JADE1: variants seen among roughly 807,000 people sequenced by gnomAD.
JADE1 encodes protein Jade-1.
A neutral mutation model predicts 81.8 loss-of-function variants in JADE1; 14 were observed. The ratio of observed to expected loss-of-function variants is 0.17; its 90% confidence interval spans 0.11 to 0.27. The LOEUF (loss-of-function observed/expected upper bound fraction) is 0.27, where lower values mean the gene tolerates loss of function less well. Ranked by LOEUF, JADE1 falls within the 10% of genes least tolerant of loss-of-function variation. The probability of loss-of-function intolerance (pLI) is 1.00; values close to 1 mark genes in which losing one functional copy is unlikely to be tolerated. For missense variants in JADE1, 690 were observed against 1,047.9 expected, an observed-to-expected ratio of 0.66 and a Z score of 4.71; for synonymous variants, 353 against 391.9, an observed-to-expected ratio of 0.90 and a Z score of 1.17.
intron 5 of JADE1, among the ~76,000 whole-genome samples, chr4:128,850,410 T>C (rs1730252276): frequency 6.6e-6 from 1 of 151,594 alleles, no homozygotes; most frequent in African/African-American, 2.4e-5. Context: ...TAGCATAGGG[T>C]GTGGCTTGCA....
rs17013822 is a variant in JADE1, at chr4:128,855,270, T to A, written c.697-360T>A. 7.1e-4 allele frequency among the ~76,000 whole-genome samples: 108 copies of A among 152,364 alleles called. No individual in the cohort carries two copies. In the East Asian group the frequency reaches 0.019, roughly 27 times the overall value. ...TTTCGAGGACTTACTGAGGACTTAC[T>A]GCTCAATATTTAGAAACTTGGTATG... On this transcript the variant is annotated intron_variant, in intron 6 of 10. Transcript: ENST00000226319.
In JADE1 at chr4:128,852,364, TG is replaced by T. The variant is rs1730427559; in HGVS notation, c.696+100del. ...TGGAGTCCAGGATTCTTCCTCCGAA[TG>T]GGGTCTGTGTTTCTACGATTTAAAG... On this transcript the variant is annotated intron_variant, in intron 6 of 10. Coordinates refer to ENST00000226319, the MANE Select transcript of JADE1 (RefSeq NM_199320.4). 7.5e-6 allele frequency: 7 copies of T among 939,102 alleles called. No homozygotes were observed. The South Asian group carries it at 1.0e-4, about 14-fold the overall frequency. The allele number at this position is 939,102 out of a possible 1,614,324, so 58.2% of individuals were successfully genotyped here.
chr4:128,866,686 G>T (rs771453598), intron 9 of JADE1, among the ~76,000 whole-genome samples: 1 of 152,186 alleles, frequency 6.6e-6, no homozygotes, highest in South Asian at 2.1e-4. Context: ...AATTATAAAG[G>T]TGTCAGGGGA....
intron 9 of JADE1, 55 bp downstream of exon 9, chr4:128,862,280 C>T (rs1019244693): frequency 6.2e-6 from 10 of 1,607,122 alleles, no homozygotes; most frequent in East Asian, 4.5e-5. Flanking sequence ...TGCAAAGAGG[C>T]GAACGCTCGC....
chr4:128,858,496 G>T lies in JADE1; in HGVS notation c.981+1042G>T, dbSNP rs572043059. Among the ~76,000 whole-genome samples, 32 of 152,224 alleles carry T rather than the reference G, an allele frequency of 2.1e-4. No homozygotes were observed. The South Asian group carries it at 5.6e-3, about 27-fold the overall frequency. On this transcript the variant is annotated intron_variant, in intron 8 of 10. Coordinates refer to ENST00000226319, the MANE Select transcript of JADE1 (RefSeq NM_199320.4). ...GCAGCTCAGCACAGACATAAGCTCC[G>T]AGAGCATGGTCATCCTGTCAGCCAT...
intron 1 of JADE1, among the ~76,000 whole-genome samples, chr4:128,829,412 G>T (rs763684428): frequency 5.9e-5 from 9 of 152,130 alleles, no homozygotes; most frequent in Non-Finnish European, 1.3e-4. Context: ...GGCTTTTGAA[G>T]AATCAATTGA....
intron 2 of JADE1, among the ~76,000 whole-genome samples, chr4:128,840,503 A>G (rs928222057): frequency 1.1e-4 from 17 of 152,038 alleles, no homozygotes; most frequent in Non-Finnish European, 2.4e-4. Context: ...CCTTCCCCAG[A>G]CCTTCTGATA....
At chr4:128,860,498 T>C (rs928927028) in intron 8 of JADE1, among the ~76,000 whole-genome samples, 1 of 152,196 alleles carries the variant, frequency 6.6e-6, no homozygotes, top group African/African-American at 2.4e-5. Flanking sequence ...TTGAATGAGT[T>C]GAATTCAACT....
rs1731366567 is a variant in JADE1 at position 128,861,896 on chromosome 4, T to C, written c.1174T>C (p.Ser392Pro). 1 of 1,613,708 alleles carries C rather than the reference T, an allele frequency of 6.2e-7. No homozygotes were observed. Among genetic ancestry groups the C allele is most frequent in the Non-Finnish European group, 8.5e-7 (1 of 1,179,894 alleles). ...AAQENGAPEC[S>P]PRNPLEPFAS... ...ACAGGAGAATGGGGCCCCTGAGTGTTCCCCCCGGAATCCGCTGGAGCCCTT... is the reference window on the plus strand; with the variant it reads ...ACAGGAGAATGGGGCCCCTGAGTGTCCCCCCCGGAATCCGCTGGAGCCCTT... Residue 392 changes from serine to proline, a missense_variant, in exon 9 of 11, where the codon TCC becomes CCC. Coordinates refer to ENST00000226319, the MANE Select transcript of JADE1 (RefSeq NM_199320.4).
At chr4:128,820,907 A>G (rs1727506814) in intron 1 of JADE1, among the ~76,000 whole-genome samples, 1 of 152,192 alleles carries the variant, frequency 6.6e-6, no homozygotes, top group Non-Finnish European at 1.5e-5. Context: ...TTGAGCATTT[A>G]AAAATCTTTT....
intron 1 of JADE1, chr4:128,831,461 A>C (rs145267840): frequency 4.7e-6 from 2 of 424,170 alleles, no homozygotes; most frequent in East Asian, 9.4e-5. Flanking sequence ...AGTTATAGTA[A>C]TAATGTCACA....
intron 1 of JADE1, among the ~76,000 whole-genome samples, chr4:128,810,561 G>A (rs1726255813): frequency 6.6e-6 from 1 of 150,496 alleles, no homozygotes; most frequent in South Asian, 2.1e-4. Context: ...ACGCAGGTTC[G>A]CGTACATATA....
intron 1 of JADE1, among the ~76,000 whole-genome samples, chr4:128,812,952 G>A (rs1339472826): frequency 6.6e-6 from 1 of 152,184 alleles, no homozygotes; most frequent in African/African-American, 2.4e-5. Context: ...ATGCTTAGGG[G>A]GTTCTTTCCC....
At chr4:128,835,535 A>G (rs900031426) in intron 2 of JADE1, among the ~76,000 whole-genome samples, 1 of 152,126 alleles carries the variant, frequency 6.6e-6, no homozygotes, top group African/African-American at 2.4e-5. Context: ...CCCTGCTTTC[A>G]GGTCCACAAA....
chr4:128,862,537 A>G (rs1731429901), intron 9 of JADE1: 3 of 1,192,794 alleles, frequency 2.5e-6, no homozygotes, highest in Non-Finnish European at 3.1e-6. Context: ...TTCTAGAGCT[A>G]GAGTGAATGA....
Position 128,867,933 on chromosome 4 carries a change from C to A in JADE1, c.1581C>A (p.Phe527Leu). ...RSVCKVQEQI[F>L]NLYTKLLEQE... ...TGTGCAAAGTCCAGGAACAGATATT[C>A]AATCTTTACACTAAGCTTTTGGAGC... Residue 527 changes from phenylalanine (F) to leucine (L), a missense_variant, in exon 10 of 11, where the codon TTC becomes TTA. This residue lies in a region of JADE1 where 86 missense variants were observed against 95.4 expected (regional missense o/e 0.90). Transcript: ENST00000226319. 6.2e-7 allele frequency: 1 copy of A among 1,613,536 alleles called. No individual in the cohort carries two copies. The highest frequency in any genetic ancestry group is 1.1e-5 in the South Asian group (1 of 91,054).
chr4:128,838,847 C>T (rs567359187), intron 2 of JADE1, among the ~76,000 whole-genome samples: 65 of 152,222 alleles, frequency 4.3e-4, no homozygotes, highest in Admixed American at 1.1e-3. Flanking sequence ...TCAAGACACT[C>T]CCTTTGAGTC....
In JADE1 at chr4:128,873,273, G is replaced by GAAAAAAAGAAAAAAAAAAAAAAAAAAA. The variant is rs1732335654; in HGVS notation, c.*1029_*1030insAAAAAAAAAAAAAAAAGAAAAAAAAAA. The GAAAAAAAGAAAAAAAAAAAAAAAAAAA allele has an allele frequency of 3.8e-5, 3 of 78,660 alleles. No individual in the cohort carries two copies. The highest frequency in any genetic ancestry group is 5.4e-5 in the Non-Finnish European group (2 of 37,292). 4.9% of individuals were successfully genotyped at this position (78,660 alleles called of 1,614,324 possible). On this transcript the variant is annotated 3_prime_UTR_variant, in exon 11 of 11. Transcript: ENST00000226319. ...AGAAAAAGGAAAAAAAAAAAAAAAAGAAAAAAAGAAAAAAAAAAGAAAAAA... is the reference window on the plus strand; with the variant it reads ...AGAAAAAGGAAAAAAAAAAAAAAAAGAAAAAAAGAAAAAAAAAAAAAAAAAAAAAAAAAAGAAAAAAAAAAGAAAAAA...
At chr4:128,864,010 C>T (rs1293342380) in intron 9 of JADE1, 1 of 985,374 alleles carries the variant, frequency 1.0e-6, no homozygotes, top group Non-Finnish European at 1.2e-6. Flanking sequence ...GGAGTCATCA[C>T]TGTCGCTGTT....
Sources: allele counts gnomAD v4.1 joint callset (sites outside exome capture counted in the v4.1 genomes callset), GRCh38; gene constraint gnomAD v4.1.1; regional missense constraint gnomAD v4.1.1; transcripts MANE v1.5; gene names NCBI Gene and HGNC (gene_info 2026-07-23, HGNC 2026-07-21).